The following PITPNC1 variants were observed in gnomAD, a reference collection of about 807,000 sequenced individuals.
PITPNC1 encodes phosphatidylinositol transfer protein cytoplasmic 1.
Under a neutral mutation model 44.7 loss-of-function variants are expected in PITPNC1, and 18 were observed. That is an observed-to-expected ratio of 0.40 (90% CI 0.28 to 0.60). The LOEUF (loss-of-function observed/expected upper bound fraction) is 0.60, where lower values mean the gene tolerates loss of function less well. Ranked by LOEUF, PITPNC1 falls within the 20% of genes least tolerant of loss-of-function variation. The pLI, the probability that PITPNC1 is intolerant of heterozygous loss-of-function variation, is 0.39. For synonymous variants in PITPNC1, 141 were observed against 149.6 expected, an observed-to-expected ratio of 0.94 and a Z score of 0.42; for missense variants, 290 against 418.4, an observed-to-expected ratio of 0.69 and a Z score of 2.68.
chr17:67,535,773 G>T (rs935270737), intron 2 of PITPNC1, among the ~76,000 whole-genome samples: 1 of 152,170 alleles, frequency 6.6e-6, no homozygotes, highest in Non-Finnish European at 1.5e-5. Context: ...AAATAAACAG[G>T]CAAACTGAAA....
chr17:67,578,156 T>A, intron 4 of PITPNC1, 30 bp from the exon 5 acceptor site: 1 of 1,450,048 alleles, frequency 6.9e-7, no homozygotes, highest in Non-Finnish European at 9.7e-7. Context: ...AAAAATGTTA[T>A]GCTAATGAAA....
At chr17:67,386,576 T>TGG (rs2038057579) in intron 1 of PITPNC1, among the ~76,000 whole-genome samples, 1 of 151,598 alleles carries the variant, frequency 6.6e-6, no homozygotes, top group Non-Finnish European at 1.5e-5. Context: ...AGATGGGGAG[T>TGG]GGGGAATCAC....
intron 3 of PITPNC1, among the ~76,000 whole-genome samples, 193 bp downstream of exon 3, chr17:67,552,538 G>A (rs1477767225): frequency 6.6e-6 from 1 of 151,908 alleles, no homozygotes; most frequent in Non-Finnish European, 1.5e-5. Context: ...GCAGGTGACA[G>A]GGGGGTTAAG....
chr17:67,513,487 GTGTATA>G (rs945405837), intron 1 of PITPNC1, among the ~76,000 whole-genome samples: 8 of 136,932 alleles, frequency 5.8e-5, no homozygotes, highest in African/African-American at 2.4e-4. Flanking sequence ...ATGTGTGTGT[GTGTATA>G]TATATATATA....
rs557113319 is a variant in PITPNC1, at chr17:67,656,743, G to A, written c.463-12765G>A. ...AAAGGCCCAGGGGATTTTTAACATC[G>A]GGGATGAAGGTTGAGGTTTATAAAC... is the stretch of plus-strand genomic sequence containing the variant. On this transcript the variant is annotated intron_variant, in intron 6 of 8. Coordinates refer to ENST00000581322, the MANE Select transcript of PITPNC1 (RefSeq NM_012417.4). 2.5e-3 allele frequency among the ~76,000 whole-genome samples: 388 copies of A among 152,192 alleles called. 2 individuals carry two copies. The highest frequency in any genetic ancestry group is 8.7e-3 in the African/African-American group (362 of 41,532).
At chr17:67,408,452 C>T (rs1202421458) in intron 1 of PITPNC1, among the ~76,000 whole-genome samples, 14 of 152,068 alleles carry the variant, frequency 9.2e-5, no homozygotes, top group Non-Finnish European at 1.5e-5. Flanking sequence ...ATGACTTGAA[C>T]CTGGGAGGCA....
intron 1 of PITPNC1, among the ~76,000 whole-genome samples, chr17:67,433,764 C>T (rs2038893228): frequency 6.6e-6 from 1 of 151,868 alleles, no homozygotes; most frequent in Non-Finnish European, 1.5e-5. Context: ...AGGAGGCTGA[C>T]GCAGGAGGAT....
At chr17:67,538,636 T>C (rs2040562716) in intron 2 of PITPNC1, among the ~76,000 whole-genome samples, 1 of 151,998 alleles carries the variant, frequency 6.6e-6, no homozygotes, top group Non-Finnish European at 1.5e-5. Flanking sequence ...AATTCCAGAT[T>C]GATTAAAAAC....
At chr17:67,391,166 T>C (rs1254159424) in intron 1 of PITPNC1, among the ~76,000 whole-genome samples, 1 of 151,916 alleles carries the variant, frequency 6.6e-6, no homozygotes, top group Non-Finnish European at 1.5e-5. Context: ...AAATCAACCC[T>C]TTTTAATTCC....
chr17:67,571,527 G>GAGTA lies in PITPNC1; in HGVS notation c.295-6659_295-6658insAGTA, dbSNP rs1488944669. Reference sequence around the variant, plus strand: ...TGGAACCCAGGCTAGCTGGGTCCTTGGCTCAGGCAACTCACCAGGTAGAAA... The same window carrying GAGTA: ...TGGAACCCAGGCTAGCTGGGTCCTTGAGTAGCTCAGGCAACTCACCAGGTAGAAA... On this transcript the variant is annotated intron_variant, in intron 4 of 8. Transcript: ENST00000581322. Among the ~76,000 whole-genome samples the GAGTA allele has an allele frequency of 2.2e-3, 330 of 152,348 alleles. 2 individuals carry two copies. Among genetic ancestry groups the GAGTA allele is most frequent in the African/African-American group, 7.7e-3 (319 of 41,584 alleles).
At chr17:67,405,642 G>T (rs1437802396) in intron 1 of PITPNC1, among the ~76,000 whole-genome samples, 6 of 144,876 alleles carry the variant, frequency 4.1e-5, no homozygotes, top group African/African-American at 7.7e-5. Context: ...GTCTCGCTCT[G>T]TCGCCCAGGC....
intron 1 of PITPNC1, among the ~76,000 whole-genome samples, chr17:67,454,358 A>C (rs2039226486): frequency 6.6e-6 from 1 of 152,130 alleles, no homozygotes; most frequent in African/African-American, 2.4e-5. Flanking sequence ...CACTACTTAC[A>C]TAACCCATCT....
intron 1 of PITPNC1, among the ~76,000 whole-genome samples, chr17:67,512,557 T>C (rs2040202469): frequency 6.6e-6 from 1 of 151,774 alleles, no homozygotes; most frequent in African/African-American, 2.4e-5. Flanking sequence ...TCAGAACTGT[T>C]AGGCTCTATC....
At chr17:67,493,983 G>T (rs530121784) in intron 1 of PITPNC1, among the ~76,000 whole-genome samples, 1 of 152,264 alleles carries the variant, frequency 6.6e-6, no homozygotes, top group African/African-American at 2.4e-5. Flanking sequence ...TGTATTGAAT[G>T]CCTGCCATGT....
chr17:67,513,206 A>G (rs981955004), intron 1 of PITPNC1, among the ~76,000 whole-genome samples: 2 of 152,034 alleles, frequency 1.3e-5, no homozygotes, highest in African/African-American at 4.8e-5. Context: ...TCTACTAAAA[A>G]TACAAAAATT....
Position 67,532,895 on chromosome 17 carries a change from G to A in PITPNC1, c.142G>A (p.Glu48Lys). ...GGAGGTCGTCCAGAATGAGCCCTTT[G>A]AGGACCCTCACCATGGCAATGGGCA... The part of the protein sequence containing the change: ...GVEVVQNEPF[E>K]DPHHGNGQFT... The change falls in exon 2 of 9, where the codon GAG (glutamate) becomes AAG (lysine). Residue 48 changes from glutamate to lysine, a missense_variant. Transcript: ENST00000581322. 6.2e-7 allele frequency: 1 copy of A among 1,610,254 alleles called. No homozygotes were observed. Among genetic ancestry groups the A allele is most frequent in the Non-Finnish European group, 8.5e-7 (1 of 1,178,620 alleles).
intron 1 of PITPNC1, among the ~76,000 whole-genome samples, chr17:67,478,043 T>G (rs2039655107): frequency 6.6e-6 from 1 of 152,150 alleles, no homozygotes; most frequent in Non-Finnish European, 1.5e-5. Context: ...TCTCTTACAT[T>G]ACCTCTAGCT....
chr17:67,406,747 C>T (rs1188386829), intron 1 of PITPNC1, among the ~76,000 whole-genome samples: 4 of 151,730 alleles, frequency 2.6e-5, no homozygotes, highest in South Asian at 4.2e-4. Context: ...CCACCATGCC[C>T]GGCTAATTTT....
intron 1 of PITPNC1, among the ~76,000 whole-genome samples, chr17:67,447,418 C>T (rs1213110379): frequency 1.3e-5 from 2 of 152,030 alleles, no homozygotes; most frequent in Non-Finnish European, 2.9e-5. Context: ...TCAATAAACC[C>T]TGTCTCCCTC....
Sources: allele counts gnomAD v4.1 joint callset (sites outside exome capture counted in the v4.1 genomes callset), GRCh38; gene constraint gnomAD v4.1.1; transcripts MANE v1.5; gene names NCBI Gene and HGNC (gene_info 2026-07-23, HGNC 2026-07-21).